The following SAMD4A variants were observed in gnomAD, a reference collection of about 807,000 sequenced individuals.
SAMD4A encodes protein Smaug homolog 1.
A neutral mutation model predicts 81.3 loss-of-function variants in SAMD4A; 33 were observed. The ratio of observed to expected loss-of-function variants is 0.41; its 90% CI spans 0.31 to 0.54. The LOEUF (loss-of-function observed/expected upper bound fraction) is 0.54, where lower values mean the gene tolerates loss of function less well. SAMD4A is among the 20% of genes least tolerant of loss of function. The pLI is 0.37. For missense variants in SAMD4A, 854 were observed against 951.1 expected (o/e 0.90, Z 1.34); for synonymous variants, 389 against 382.1 (o/e 1.02, Z -0.21).
At chr14:54,633,974 T>C (rs1023025549) in intron 2 of SAMD4A, among the ~76,000 whole-genome samples, 1 of 152,022 alleles carries the variant, frequency 6.6e-6, no homozygotes. Flanking sequence ...TGGCACATAA[T>C]AGATAGTCAC....
chr14:54,765,727 C>T (rs1204955510), intron 8 of SAMD4A, among the ~76,000 whole-genome samples: 2 of 152,242 alleles, frequency 1.3e-5, no homozygotes, highest in Non-Finnish European at 2.9e-5. Flanking sequence ...GGGAGACGCC[C>T]AGCACAGCGG....
chr14:54,701,944 A>G, intron 2 of SAMD4A, 118 bp from the exon 3 acceptor site: 1 of 1,152,164 alleles, frequency 8.7e-7, no homozygotes, highest in Middle Eastern at 2.3e-4. Flanking sequence ...CTCTTTTGAG[A>G]AAATATAGCC....
intron 2 of SAMD4A, among the ~76,000 whole-genome samples, chr14:54,641,379 A>G (rs933200264): frequency 5.3e-5 from 8 of 152,244 alleles, no homozygotes; most frequent in African/African-American, 1.9e-4. Context: ...TTAGCCCTAC[A>G]GATCACAACC....
In SAMD4A at chr14:54,707,102, CTT is replaced by C. The variant is rs11412662; in HGVS notation, c.715+4540_715+4541del. Among the ~76,000 whole-genome samples, 159 of 130,350 alleles carry C rather than the reference CTT, an allele frequency of 1.2e-3. 1 individual carries two copies. The highest frequency in any genetic ancestry group is 4.2e-3 in the Middle Eastern group (1 of 240). The allele number at this position is 130,350 out of a possible 152,430, so 85.5% of individuals were successfully genotyped here. The stretch of plus-strand genomic sequence containing the variant: ...GGGATTCAGTATTGATATGGACATA[CTT>C]TTTTTTTTTTTTTTTTTGAGACAGG... On this transcript the variant is annotated intron_variant, in intron 3 of 12. Coordinates refer to ENST00000554335, the MANE Select transcript of SAMD4A (RefSeq NM_015589.6).
At chr14:54,669,258 C>T (rs528143703) in intron 2 of SAMD4A, among the ~76,000 whole-genome samples, 18 of 152,106 alleles carry the variant, frequency 1.2e-4, no homozygotes, top group South Asian at 4.2e-4. Context: ...GCCTGGAGCC[C>T]GTTAGAGAAG....
chr14:54,608,219 C>T (rs1414032792), intron 2 of SAMD4A, among the ~76,000 whole-genome samples: 3 of 152,034 alleles, frequency 2.0e-5, no homozygotes, highest in Non-Finnish European at 4.4e-5. Context: ...TTCCTACCTT[C>T]ATGTTGGGGA....
chr14:54,629,693 T>C (rs2034847459), intron 2 of SAMD4A, among the ~76,000 whole-genome samples: 1 of 152,174 alleles, frequency 6.6e-6, no homozygotes, highest in Admixed American at 6.5e-5. Flanking sequence ...AAAATACAGT[T>C]TATCAACTTG....
Position 54,727,166 on chromosome 14 carries a change from C to CTTTTTTTTTTTTTTT in SAMD4A, c.716-9831_716-9817dup, listed in dbSNP as rs567831973. On this transcript the variant is annotated intron_variant, in intron 3 of 12. Coordinates refer to ENST00000554335, the MANE Select transcript of SAMD4A (RefSeq NM_015589.6). ...TTATCACAACAGCCTTCTTTTTTTC[C>CTTTTTTTTTTTTTTT]TTTTTTTTTTTTTTTTTTTTTTTTT... 1.5e-3 allele frequency among the ~76,000 whole-genome samples: 91 copies of CTTTTTTTTTTTTTTT among 59,182 alleles called. 22 individuals are homozygous for CTTTTTTTTTTTTTTT. The highest frequency in any genetic ancestry group is 2.5e-3 in the Non-Finnish European group (75 of 29,778). 38.8% of individuals were successfully genotyped at this position (59,182 alleles called of 152,430 possible). A position where few individuals can be genotyped will look rare whatever the true frequency, so the allele number is the denominator to read the frequency against.
At chr14:54,572,377 T>C (rs1473753537) in intron 2 of SAMD4A, among the ~76,000 whole-genome samples, 1 of 152,138 alleles carries the variant, frequency 6.6e-6, no homozygotes, top group East Asian at 1.9e-4. Context: ...AAAAAGATTG[T>C]AAAGAGGGGT....
intron 3 of SAMD4A, among the ~76,000 whole-genome samples, chr14:54,721,682 C>T (rs1437232747): frequency 6.6e-6 from 1 of 152,188 alleles, no homozygotes; most frequent in African/African-American, 2.4e-5. Flanking sequence ...CAGTTCTTCT[C>T]ATTGGCAATG....
intron 12 of SAMD4A, among the ~76,000 whole-genome samples, chr14:54,787,667 G>A (rs1056922410): frequency 4.6e-5 from 7 of 152,220 alleles, no homozygotes; most frequent in African/African-American, 1.4e-4. Context: ...GTCACTGAAC[G>A]CAGTTATTCC....
At chr14:54,717,125 T>C (rs2140839816) in intron 3 of SAMD4A, among the ~76,000 whole-genome samples, 1 of 151,872 alleles carries the variant, frequency 6.6e-6, no homozygotes, top group East Asian at 1.9e-4. Flanking sequence ...TGAGAAAGGG[T>C]GTTGTTCACA....
At chr14:54,771,135 A>G (rs2038693081) in intron 9 of SAMD4A, among the ~76,000 whole-genome samples, 1 of 152,184 alleles carries the variant, frequency 6.6e-6, no homozygotes, top group African/African-American at 2.4e-5. Context: ...GATTTAAGGG[A>G]GATAAGGCCA....
chr14:54,615,258 A>T (rs915189134), intron 2 of SAMD4A, among the ~76,000 whole-genome samples: 3 of 152,220 alleles, frequency 2.0e-5, no homozygotes, highest in Non-Finnish European at 2.9e-5. Flanking sequence ...CTCTTAAAGT[A>T]AGTAGGGCAG....
At chr14:54,754,222 A>G (rs570336186) in intron 6 of SAMD4A, among the ~76,000 whole-genome samples, 23 of 152,204 alleles carry the variant, frequency 1.5e-4, no homozygotes, top group South Asian at 6.2e-4. Context: ...GCCTTTGATA[A>G]GTCAGTGATG....
chr14:54,697,195 G>A (rs577418008), intron 2 of SAMD4A, among the ~76,000 whole-genome samples: 6 of 152,248 alleles, frequency 3.9e-5, no homozygotes, highest in South Asian at 2.1e-4. Flanking sequence ...AGATGTTCAC[G>A]CTTGTCAGCA....
At chr14:54,774,424 C>T (rs779708817) in intron 9 of SAMD4A, among the ~76,000 whole-genome samples, 9 of 152,114 alleles carry the variant, frequency 5.9e-5, no homozygotes, top group African/African-American at 1.2e-4. Context: ...TGAGCAGAGG[C>T]GGGGTGCAGT....
chr14:54,767,670 T>G (rs2038588169), intron 8 of SAMD4A, among the ~76,000 whole-genome samples: 1 of 152,194 alleles, frequency 6.6e-6, no homozygotes, highest in African/African-American at 2.4e-5. Flanking sequence ...GCATGAAGCC[T>G]TCCCTTCCCC....
intron 2 of SAMD4A, among the ~76,000 whole-genome samples, chr14:54,623,844 G>A (rs4898843): frequency 6.6e-6 from 1 of 152,166 alleles, no homozygotes; most frequent in Admixed American, 6.5e-5. Flanking sequence ...TGGCTGCCCA[G>A]GGCCCCTTCT....
Sources: gnomAD v4.1 joint callset for allele counts (sites outside exome capture counted in the v4.1 genomes callset) on GRCh38, gnomAD v4.1.1 for gene constraint, MANE v1.5 for transcripts, NCBI Gene and HGNC (gene_info 2026-07-23, HGNC 2026-07-21) for gene names.